DLGAP1: variants seen among roughly 807,000 people sequenced by gnomAD.
DLGAP1 encodes DLG associated protein 1.
Under a neutral mutation model 90.8 loss-of-function variants are expected in DLGAP1, and 11 were observed. That is an observed-to-expected ratio of 0.12 (90% CI 0.08 to 0.20). The LOEUF (loss-of-function observed/expected upper bound fraction) is 0.20. Among genes scored for constraint, DLGAP1 ranks in the 10% least tolerant of loss-of-function variants. The pLI is 1.00. For synonymous variants in DLGAP1, 558 were observed against 540.7 expected (o/e 1.03, Z -0.44); for missense variants, 1,050 against 1,333.8 (o/e 0.79, Z 3.31).
At chr18:4,265,195 G>A (rs746970001) in intron 1 of DLGAP1, among the ~76,000 whole-genome samples, 6 of 140,108 alleles carry the variant, frequency 4.3e-5, no homozygotes, top group Non-Finnish European at 6.0e-5. Context: ...TTTTGACGGA[G>A]TCTCCCTCTG....
At position 4,073,522 on chromosome 18, in the gene DLGAP1, T is replaced by C. The variant is rs541226533; in HGVS notation, c.-158-68321A>G. ...ACCTTCAGGCAGTGCTATCGGAGGA[T>C]AATGAAGGGGGAAAAAAGAGGTAGA... On this transcript the variant is annotated intron_variant, in intron 2 of 12. Transcript: ENST00000315677. Among the ~76,000 whole-genome samples, 5 of 152,270 alleles carry C rather than the reference T, an allele frequency of 3.3e-5. No homozygotes were observed. The East Asian group carries it at 9.6e-4, about 29-fold the overall frequency.
At chr18:3,994,387 C>T (rs964086934) in intron 3 of DLGAP1, among the ~76,000 whole-genome samples, 4 of 152,170 alleles carry the variant, frequency 2.6e-5, no homozygotes, top group Non-Finnish European at 4.4e-5. Flanking sequence ...CTGGGTACCT[C>T]GGCCTCTCTG....
chr18:4,204,991 C>A (rs991812248), intron 1 of DLGAP1, among the ~76,000 whole-genome samples: 1 of 151,886 alleles, frequency 6.6e-6, no homozygotes, highest in African/African-American at 2.4e-5. Context: ...TTGAAATCTG[C>A]TTTCTAACTG....
chr18:3,911,324 A>C (rs902957050), intron 3 of DLGAP1, among the ~76,000 whole-genome samples: 1 of 152,234 alleles, frequency 6.6e-6, no homozygotes, highest in African/African-American at 2.4e-5. Context: ...TCTCAAATGA[A>C]TTAAATAAAC....
chr18:4,240,097 C>T (rs1418792612), intron 1 of DLGAP1, among the ~76,000 whole-genome samples: 1 of 152,126 alleles, frequency 6.6e-6, no homozygotes, highest in Non-Finnish European at 1.5e-5. Flanking sequence ...CCAAATAGTC[C>T]TTTACTGAAA....
intron 1 of DLGAP1, among the ~76,000 whole-genome samples, chr18:4,153,939 T>C (rs2076713506): frequency 6.6e-6 from 1 of 152,214 alleles, no homozygotes; most frequent in African/African-American, 2.4e-5. Context: ...TAAAGAGTGA[T>C]GGGTAAACCA....
intron 2 of DLGAP1, among the ~76,000 whole-genome samples, chr18:4,062,727 A>T (rs1036528732): frequency 5.3e-5 from 8 of 152,158 alleles, no homozygotes; most frequent in Admixed American, 4.6e-4. Context: ...AATAAAAATG[A>T]GAATGGGAGA....
At position 4,137,701 on chromosome 18, in the gene DLGAP1, C is replaced by T. The variant is rs554048872; in HGVS notation, c.-159+13479G>A. Among the ~76,000 whole-genome samples the T allele has an allele frequency of 1.2e-4, 19 of 152,076 alleles. No individual in the cohort carries two copies. The East Asian group carries it at 1.9e-3, about 15-fold the overall frequency. On this transcript the variant is annotated intron_variant, in intron 2 of 12. Transcript: ENST00000315677. ...ATTTTGATAAGGATTGCACTGAGTC[C>T]GTAGATTGCTTTGGATAGTATGGAC...
At chr18:4,418,028 G>C (rs899030049) in intron 1 of DLGAP1, among the ~76,000 whole-genome samples, 2 of 152,116 alleles carry the variant, frequency 1.3e-5, no homozygotes, top group Non-Finnish European at 2.9e-5. Flanking sequence ...AGCATTGAGA[G>C]AAAACAAAAC....
intron 1 of DLGAP1, among the ~76,000 whole-genome samples, chr18:4,282,296 G>A (rs1165945596): frequency 3.3e-5 from 5 of 151,468 alleles, no homozygotes; most frequent in South Asian, 2.1e-4. Flanking sequence ...CCTGGGAGGC[G>A]GAGCTTGCAG....
intron 5 of DLGAP1, among the ~76,000 whole-genome samples, chr18:3,802,092 A>C (rs530777900): frequency 2.3e-4 from 35 of 152,072 alleles, no homozygotes; most frequent in South Asian, 6.2e-4. Context: ...TCAAGTGATT[A>C]TTCTGCCTCA....
chr18:3,721,790 G>C (rs2061992988), intron 7 of DLGAP1: 1 of 152,166 alleles, frequency 6.6e-6, no homozygotes, highest in South Asian at 2.1e-4. Flanking sequence ...TGATTACAGA[G>C]AGAATTTCAC....
At position 3,976,119 on chromosome 18, in the gene DLGAP1, G is replaced by T. The variant is rs559092052; in HGVS notation, c.-73+28997C>A. Among the ~76,000 whole-genome samples, 27 of 152,038 alleles carry T rather than the reference G, an allele frequency of 1.8e-4. No homozygotes were observed. The South Asian group carries it at 5.6e-3, about 32-fold the overall frequency. On this transcript the variant is annotated intron_variant, in intron 3 of 12. Coordinates refer to ENST00000315677, the MANE Select transcript of DLGAP1 (RefSeq NM_004746.4). ...CCCAGCACTTTGAGAGGCTGAGGTG[G>T]TTGGATCACCTAAGGTCGGGAGTTT... is the stretch of plus-strand genomic sequence containing the variant.
At chr18:4,207,547 T>A (rs1021746756) in intron 1 of DLGAP1, among the ~76,000 whole-genome samples, 1 of 152,238 alleles carries the variant, frequency 6.6e-6, no homozygotes, top group African/African-American at 2.4e-5. Context: ...GAATTTACCA[T>A]CTGAGGTAGT....
chr18:4,227,176 G>A (rs1221693775), intron 1 of DLGAP1, among the ~76,000 whole-genome samples: 1 of 151,952 alleles, frequency 6.6e-6, no homozygotes, highest in African/African-American at 2.4e-5. Context: ...AAATATATAT[G>A]CACCCAACAT....
chr18:4,332,369 G>A (rs746173043), intron 1 of DLGAP1, among the ~76,000 whole-genome samples: 2 of 151,666 alleles, frequency 1.3e-5, no homozygotes, highest in Non-Finnish European at 2.9e-5. Context: ...TCAGTAAAGA[G>A]GAATAATATT....
At chr18:4,432,939 A>G (rs1476577210) in intron 1 of DLGAP1, among the ~76,000 whole-genome samples, 1 of 152,146 alleles carries the variant, frequency 6.6e-6, no homozygotes, top group African/African-American at 2.4e-5. Context: ...TAAAAAAAAC[A>G]CTAAGTTATT....
intron 5 of DLGAP1, among the ~76,000 whole-genome samples, chr18:3,783,318 GA>G (rs2065289086): frequency 1.3e-5 from 2 of 152,170 alleles, no homozygotes; most frequent in South Asian, 4.1e-4. Context: ...TGGGAGGAAT[GA>G]AAACATATGC....
intron 7 of DLGAP1, among the ~76,000 whole-genome samples, chr18:3,671,765 A>T (rs2060095264): frequency 6.6e-6 from 1 of 152,230 alleles, no homozygotes; most frequent in Non-Finnish European, 1.5e-5. Context: ...AAGTAATTCC[A>T]TTTTAAATAA....
Sources: gnomAD v4.1 joint callset for allele counts (sites outside exome capture counted in the v4.1 genomes callset) on GRCh38, gnomAD v4.1.1 for gene constraint, MANE v1.5 for transcripts, NCBI Gene and HGNC (gene_info 2026-07-23, HGNC 2026-07-21) for gene names.